The following CYP24A1 variants were observed in gnomAD, a reference collection of about 807,000 sequenced individuals.
CYP24A1 encodes the protein cytochrome P450 family 24 subfamily A member 1.
CYP24A1 carries 68 observed loss-of-function variants against 62.4 expected under a neutral mutation model. That is an observed-to-expected ratio of 1.09 (90% CI 0.90 to 1.33). The LOEUF (loss-of-function observed/expected upper bound fraction) is 1.33, where lower values mean the gene tolerates loss of function less well. Among genes scored for constraint, CYP24A1 ranks in the 40% most tolerant of loss-of-function variants. CYP24A1 has a pLI of 0.00. For missense variants in CYP24A1, 787 were observed against 653.0 expected, an observed-to-expected ratio of 1.21 and a Z score of -2.24; for synonymous variants, 267 against 253.0, an observed-to-expected ratio of 1.06 and a Z score of -0.52.
intron 9 of CYP24A1, 49 bp downstream of exon 9, chr20:54,158,037 T>G (rs757266554): frequency 2.1e-5 from 33 of 1,608,578 alleles, no homozygotes; most frequent in South Asian, 6.6e-5. Flanking sequence ...ATTTGCAAAG[T>G]GTATCTTCCA....
At chr20:54,167,030 A>G (rs1053323121) in intron 4 of CYP24A1, among the ~76,000 whole-genome samples, 3 of 152,060 alleles carry the variant, frequency 2.0e-5, no homozygotes, top group Non-Finnish European at 2.9e-5. Context: ...TGAGTGACAC[A>G]GTCTGGAAAA....
At chr20:54,160,419 T>TC (rs2092646076) in intron 7 of CYP24A1, among the ~76,000 whole-genome samples, 1 of 152,264 alleles carries the variant, frequency 6.6e-6, no homozygotes, top group African/African-American at 2.4e-5. Flanking sequence ...GATCATTGTG[T>TC]CCACCTCCGC....
At chr20:54,151,939 T>C (rs1029071401), downstream of CYP24A1, among the ~76,000 whole-genome samples, 1 of 152,168 alleles carries the variant, frequency 6.6e-6, no homozygotes, top group African/African-American at 2.4e-5. Context: ...GATTTGTGAA[T>C]TCATATGTAG....
At chr20:54,162,583 A>AGGCCGTGCGCTGC (rs1233254061) in intron 7 of CYP24A1, 134 bp downstream of exon 7, 1 of 739,202 alleles carries the variant, frequency 1.4e-6, no homozygotes, top group Admixed American at 1.9e-5. Flanking sequence ...ATCTAGTATG[A>AGGCCGTGCGCTGC]GACTTTTCAT....
intron 4 of CYP24A1, among the ~76,000 whole-genome samples, chr20:54,166,565 G>A (rs1053048849): frequency 1.3e-5 from 2 of 152,102 alleles, no homozygotes; most frequent in African/African-American, 4.8e-5. Context: ...TCACTTCACC[G>A]TTAAATACTT....
rs760044876 is a variant in CYP24A1 at position 54,157,598 on chromosome 20, A to G, written c.1237-13T>C. 11 of 1,403,332 alleles carry G rather than the reference A, an allele frequency of 7.8e-6. No individual in the cohort carries two copies. Among genetic ancestry groups the G allele is most frequent in the Non-Finnish European group, 1.0e-5 (10 of 988,542 alleles). The allele number at this position is 1,403,332 out of a possible 1,614,324, so 86.9% of individuals were successfully genotyped here. The stretch of plus-strand genomic sequence containing the variant: ...GCATGAGCACTGTCTAAACACATGC[A>G]GAGACACATAGTATTTAAAATAACC... On this transcript the variant is annotated splice_polypyrimidine_tract_variant and intron_variant, in intron 9 of 11. Transcript: ENST00000216862.
At chr20:54,162,204 T>C (rs1382916435) in intron 7 of CYP24A1, among the ~76,000 whole-genome samples, 1 of 146,382 alleles carries the variant, frequency 6.8e-6, no homozygotes, top group Non-Finnish European at 1.5e-5. Flanking sequence ...TATTATTGGC[T>C]TGAAAGAGAG....
downstream of CYP24A1, among the ~76,000 whole-genome samples, chr20:54,150,837 G>A (rs2092611456): frequency 6.6e-6 from 1 of 152,200 alleles, no homozygotes; most frequent in African/African-American, 2.4e-5. Flanking sequence ...CAGGGATGGT[G>A]TCCAAATTCT....
chr20:54,161,039 C>G (rs1355001964), intron 7 of CYP24A1, among the ~76,000 whole-genome samples: 2 of 152,212 alleles, frequency 1.3e-5, no homozygotes, highest in African/African-American at 4.8e-5. Context: ...CAGGTGATTC[C>G]CTTGCTTAAA....
chr20:54,173,147 T>C lies in CYP24A1; in HGVS notation c.259-48A>G. 5.7e-6 allele frequency: 9 copies of C among 1,592,862 alleles called. No individual in the cohort carries two copies. Among genetic ancestry groups the C allele is most frequent in the Non-Finnish European group, 7.7e-6 (9 of 1,172,334 alleles). ...CGGTGTCAGCGCGCATCCTCCGCCG[T>C]GCCCGAAGCGCTTTCCCTCCTCCCG... On this transcript the variant is annotated intron_variant, in intron 1 of 11. Transcript: ENST00000216862. This position sits in a 1 kb window ranked among gnomAD's most constrained non-coding sequence, Gnocchi z 7.2.
At position 54,168,113 on chromosome 20, in the gene CYP24A1, T is replaced by A. The variant is rs149784922; in HGVS notation, c.640+1479A>T. Among the ~76,000 whole-genome samples the A allele has an allele frequency of 5.3e-4, 80 of 152,076 alleles. 1 individual carries two copies. Among genetic ancestry groups the A allele is most frequent in the African/African-American group, 1.8e-3 (76 of 41,538 alleles). Reference sequence around the variant, plus strand: ...CACCTGGTGAACTCCTACTCAACCATCAGGACTTAGCTGAGGGGCACCATC... The same window carrying A: ...CACCTGGTGAACTCCTACTCAACCAACAGGACTTAGCTGAGGGGCACCATC... On this transcript the variant is annotated intron_variant, in intron 4 of 11. Coordinates refer to ENST00000216862, the MANE Select transcript of CYP24A1 (RefSeq NM_000782.5).
chr20:54,173,396 T>TG lies in CYP24A1; in HGVS notation c.183dup (p.Thr62HisfsTer44). On this transcript the variant is annotated frameshift_variant, in exon 1 of 12. Transcript: ENST00000216862. LOFTEE classifies it high-confidence loss of function. This position sits in a 1 kb window ranked among gnomAD's most constrained non-coding sequence, Gnocchi z 7.2. Reference sequence around the variant, plus strand: ...AGGCTGCCCAGCAGTGGCCAGCTGGTGGGGCCCGGCAGGGCGGCCGCGTTC... The same window carrying TG: ...AGGCTGCCCAGCAGTGGCCAGCTGGTGGGGGCCCGGCAGGGCGGCCGCGTTC... 6.3e-7 allele frequency: 1 copy of TG among 1,589,112 alleles called. No individual in the cohort carries two copies. The highest frequency in any genetic ancestry group is 1.1e-5 in the South Asian group (1 of 87,958).
At position 54,159,134 on chromosome 20, in the gene CYP24A1, A is replaced by G; in HGVS notation, c.991-11T>C. ...TAGACTGTTTGCTGTCTGCAAGCCA[A>G]ATGGACATAAACTTGAGTTTTTGTA... On this transcript the variant is annotated splice_polypyrimidine_tract_variant and intron_variant, in intron 7 of 11. Transcript: ENST00000216862. 6.2e-7 allele frequency: 1 copy of G among 1,609,814 alleles called. No individual in the cohort carries two copies. Among genetic ancestry groups the G allele is most frequent in the Non-Finnish European group, 8.5e-7 (1 of 1,176,090 alleles).
At chr20:54,154,956 A>AGGTATACCCTAATTGTATAT (rs1341458469) in intron 11 of CYP24A1, 195 bp from the exon 12 acceptor site, 1 of 67,612 alleles carries the variant, frequency 1.5e-5, no homozygotes, top group Admixed American at 1.3e-4. Context: ...AAAAAAAAAA[A>AGGTATACCCTAATTGTATAT]AAAAAAAAAA....
In CYP24A1 at chr20:54,157,409, T is replaced by C. The variant is rs2092632745; in HGVS notation, c.1413A>G (p.Gln471=). ...TTACCCAACAAAGAGCCAAATGCAGTTGAAGCTCTGCTAATCGGCGACCAA... is the reference window on the plus strand; with the variant it reads ...TTACCCAACAAAGAGCCAAATGCAGCTGAAGCTCTGCTAATCGGCGACCAA... ...MCIGRRLAEL[Q]LHLALCWIVR... Residue 471 remains glutamine, a synonymous_variant, in exon 10 of 12, where the codon CAA becomes CAG. Transcript: ENST00000216862. 6.3e-7 allele frequency: 1 copy of C among 1,597,256 alleles called. No homozygotes were observed. The highest frequency in any genetic ancestry group is 1.1e-5 in the South Asian group (1 of 90,712).
In CYP24A1 at chr20:54,171,639, C is replaced by T. The variant is rs1226581993; in HGVS notation, c.481G>A (p.Ala161Thr). The change falls in exon 3 of 12, where the codon GCC becomes ACC. Residue 161 changes from alanine (A) to threonine (T), a missense_variant. Coordinates refer to ENST00000216862, the MANE Select transcript of CYP24A1 (RefSeq NM_000782.5). ...GGTTTCATTAGTTTCTTTTGAAAGG[C>T]ACTCCGGACCCGCTGCCAGTCTTCC... Reference protein sequence around the residue: ...EGEDWQRVRSAFQKKLMKPGE... With the variant: ...EGEDWQRVRSTFQKKLMKPGE... The T allele has an allele frequency of 6.2e-7, 1 of 1,613,910 alleles. No individual in the cohort carries two copies. The highest frequency in any genetic ancestry group is 2.2e-5 in the East Asian group (1 of 44,882).
In CYP24A1 at chr20:54,173,346, A is replaced by C. The variant is rs61755338; in HGVS notation, c.234T>G (p.Gly78=). The C allele has an allele frequency of 0.022, 35,714 of 1,606,902 alleles. 483 individuals are homozygous for C. Among genetic ancestry groups the C allele is most frequent in the Middle Eastern group, 0.033 (202 of 6,050 alleles). The change falls in exon 1 of 12, where the codon GGT becomes GGG. Residue 78 remains glycine, a synonymous_variant. Coordinates refer to ENST00000216862, the MANE Select transcript of CYP24A1 (RefSeq NM_000782.5). The surrounding 1 kb of genome is among the most constrained non-coding windows in gnomAD (Gnocchi z 7.2). ...GSLLQILWKG[G]LKKQHDTLVE... ...CCAGGGTGTCGTGCTGTTTCTTGAG[A>C]CCCCCTTTCCAGAGAATCTGCAGCA...
chr20:54,163,168 T>A (rs968090697), intron 6 of CYP24A1, among the ~76,000 whole-genome samples: 4 of 152,146 alleles, frequency 2.6e-5, no homozygotes, highest in African/African-American at 9.7e-5. Context: ...CCTAATAAGC[T>A]TCTAGGTGAT....
At chr20:54,158,275 A>G (rs1448680850) in intron 8 of CYP24A1, 111 bp from the exon 9 acceptor site, 1 of 1,554,730 alleles carries the variant, frequency 6.4e-7, no homozygotes, top group Non-Finnish European at 8.7e-7. Flanking sequence ...GCATACTCAA[A>G]GAGGCAGCAT....
Sources: allele counts gnomAD v4.1 joint callset (sites outside exome capture counted in the v4.1 genomes callset), GRCh38; gene constraint gnomAD v4.1.1; non-coding constraint Gnocchi (gnomAD v3.1); transcripts MANE v1.5; gene names NCBI Gene and HGNC (gene_info 2026-07-23, HGNC 2026-07-21).